Variants in SCG5 observed in about 807,000 individuals in gnomAD.
SCG5 encodes the protein secretogranin V, also known as neuroendocrine protein 7B2.
SCG5 carries 18 observed loss-of-function variants against 25.7 expected under a neutral mutation model. The observed-to-expected ratio is 0.70, with a 90% CI of 0.48 to 1.04. The LOEUF (loss-of-function observed/expected upper bound fraction) is 1.04, where lower values mean the gene tolerates loss of function less well. Among genes scored for constraint, SCG5 ranks in the 50% least tolerant of loss-of-function variants. The pLI is 0.00. For synonymous variants in SCG5, 101 were observed against 91.7 expected, an observed-to-expected ratio of 1.10 and a Z score of -0.58; for missense variants, 206 against 259.8, an observed-to-expected ratio of 0.79 and a Z score of 1.42.
intron 4 of SCG5, among the ~76,000 whole-genome samples, chr15:32,689,886 G>A (rs1479140879): frequency 6.8e-6 from 1 of 147,970 alleles, no homozygotes; most frequent in Non-Finnish European, 1.5e-5. Context: ...CTGTCCCCCA[G>A]GCTGGAGTGC....
At chr15:32,659,819 G>T (rs1283062744) in intron 2 of SCG5, among the ~76,000 whole-genome samples, 1 of 152,074 alleles carries the variant, frequency 6.6e-6, no homozygotes, top group African/African-American at 2.4e-5. Context: ...AGCTACCTAA[G>T]ACGCCTGGCT....
chr15:32,682,568 G>GGACA (rs2054638762), intron 3 of SCG5, among the ~76,000 whole-genome samples: 1 of 152,190 alleles, frequency 6.6e-6, no homozygotes, highest in Non-Finnish European at 1.5e-5. Flanking sequence ...AAGCTGGCCT[G>GGACA]GTAGAATTGG....
At chr15:32,673,110 A>T (rs892666981) in intron 2 of SCG5, 2 of 152,132 alleles carry the variant, frequency 1.3e-5, no homozygotes, top group Non-Finnish European at 2.9e-5. Flanking sequence ...CGTTCAAGGG[A>T]GGTGTTTACC....
intron 2 of SCG5, among the ~76,000 whole-genome samples, chr15:32,666,657 T>C (rs2054322565): frequency 6.6e-6 from 1 of 152,252 alleles, no homozygotes; most frequent in African/African-American, 2.4e-5. Context: ...ATAGAGCTCA[T>C]GCATTATAAA....
At chr15:32,683,093 T>C (rs924603195) in intron 3 of SCG5, among the ~76,000 whole-genome samples, 1 of 152,230 alleles carries the variant, frequency 6.6e-6, no homozygotes, top group Non-Finnish European at 1.5e-5. Flanking sequence ...TTGTGTAAGT[T>C]AGATAAATAG....
chr15:32,645,277 C>G (rs908258890), intron 2 of SCG5, among the ~76,000 whole-genome samples: 1 of 152,214 alleles, frequency 6.6e-6, no homozygotes, highest in Non-Finnish European at 1.5e-5. Context: ...TGAGTTTCCA[C>G]TAATACCTGA....
chr15:32,668,672 C>A (rs1157949483), intron 2 of SCG5, among the ~76,000 whole-genome samples: 2 of 152,226 alleles, frequency 1.3e-5, no homozygotes, highest in Non-Finnish European at 2.9e-5. Context: ...CCCCAGTGAC[C>A]TGCTTCCTCT....
chr15:32,654,272 T>C (rs192103751), intron 2 of SCG5, among the ~76,000 whole-genome samples: 7 of 152,350 alleles, frequency 4.6e-5, no homozygotes. Flanking sequence ...GCAGATTCCG[T>C]GCCTGGGGAG....
chr15:32,660,669 T>A (rs1212090853), intron 2 of SCG5, among the ~76,000 whole-genome samples: 2 of 152,238 alleles, frequency 1.3e-5, no homozygotes, highest in Non-Finnish European at 1.5e-5. Flanking sequence ...TGTCCTTTGG[T>A]GCCCTGCACC....
At chr15:32,648,917 G>GC (rs2053992318) in intron 2 of SCG5, among the ~76,000 whole-genome samples, 1 of 151,996 alleles carries the variant, frequency 6.6e-6, no homozygotes, top group Non-Finnish European at 1.5e-5. Context: ...GACTACAGGC[G>GC]CCCGCCACCA....
At chr15:32,673,803 G>A (rs144314615) in intron 2 of SCG5, among the ~76,000 whole-genome samples, 2,338 of 152,026 alleles carry the variant, frequency 0.015, 23 homozygotes, top group Non-Finnish European at 0.024. Context: ...GCATGATCTC[G>A]GTTCACTGCA....
At chr15:32,676,426 T>G (rs966407487) in intron 2 of SCG5, among the ~76,000 whole-genome samples, 1 of 152,234 alleles carries the variant, frequency 6.6e-6, no homozygotes, top group Non-Finnish European at 1.5e-5. Flanking sequence ...TGAGCCAAGT[T>G]GGATAATTCC....
At chr15:32,650,834 G>A (rs991222010) in intron 2 of SCG5, among the ~76,000 whole-genome samples, 2 of 152,212 alleles carry the variant, frequency 1.3e-5, no homozygotes, top group Admixed American at 1.3e-4. Flanking sequence ...TAGCCATTAA[G>A]ATAGAAATGT....
chr15:32,647,163 T>C (rs905911835), intron 2 of SCG5, among the ~76,000 whole-genome samples: 17 of 152,182 alleles, frequency 1.1e-4, no homozygotes, highest in African/African-American at 4.1e-4. Flanking sequence ...ATTCACTTAC[T>C]TGTAAGCAGG....
chr15:32,696,771 A>T lies in SCG5; in HGVS notation c.*162A>T. On this transcript the variant is annotated 3_prime_UTR_variant, in exon 6 of 6. Coordinates refer to ENST00000300175, the MANE Select transcript of SCG5 (RefSeq NM_001144757.3). The stretch of plus-strand genomic sequence containing the variant: ...ATAGTGTATTGTCTTCACACCGATG[A>T]TTCTGCTTTTTGCTAAATTAGAATA... The T allele has an allele frequency of 2.3e-6, 1 of 433,318 alleles. No individual in the cohort carries two copies. The highest frequency in any genetic ancestry group is 3.4e-5 in the East Asian group (1 of 29,498). 26.8% of individuals were successfully genotyped at this position (433,318 alleles called of 1,614,324 possible).
chr15:32,654,367 A>G (rs1185081220), intron 2 of SCG5, among the ~76,000 whole-genome samples: 1 of 152,172 alleles, frequency 6.6e-6, no homozygotes, highest in Non-Finnish European at 1.5e-5. Flanking sequence ...GGCTTCTTTT[A>G]TTACCATCAC....
intron 2 of SCG5, among the ~76,000 whole-genome samples, chr15:32,644,225 A>T (rs561497602): frequency 6.6e-6 from 1 of 152,288 alleles, no homozygotes; most frequent in South Asian, 2.1e-4. Flanking sequence ...ATCTTCAGGA[A>T]ATTGTGTCAT....
intron 5 of SCG5, among the ~76,000 whole-genome samples, chr15:32,694,118 G>A (rs1043022091): frequency 2.6e-5 from 4 of 151,950 alleles, no homozygotes; most frequent in African/African-American, 7.3e-5. Context: ...TCAAAACAAA[G>A]CAAAACAAAA....
At chr15:32,667,867 G>A (rs1200707945) in intron 2 of SCG5, among the ~76,000 whole-genome samples, 4 of 151,964 alleles carry the variant, frequency 2.6e-5, no homozygotes, top group South Asian at 2.1e-4. Flanking sequence ...TACAGATGGG[G>A]TTTCACCATG....
Sources: allele counts gnomAD v4.1 joint callset (sites outside exome capture counted in the v4.1 genomes callset), GRCh38; gene constraint gnomAD v4.1.1; transcripts MANE v1.5; gene names NCBI Gene and HGNC (gene_info 2026-07-23, HGNC 2026-07-21).